The following NELL2 variants were observed in gnomAD, a reference collection of about 807,000 sequenced individuals.
NELL2 encodes the protein protein kinase C-binding protein NELL2.
In NELL2, 41 loss-of-function variants were observed where a neutral mutation model predicts 109.6. That is an observed-to-expected ratio of 0.37 (90% CI 0.29 to 0.49). The LOEUF (loss-of-function observed/expected upper bound fraction) is 0.49. Ranked by LOEUF, NELL2 falls within the 20% of genes least tolerant of loss-of-function variation. The pLI, the probability that NELL2 is intolerant of heterozygous loss-of-function variation, is 0.98. For missense variants in NELL2, 900 were observed against 1,008.3 expected (o/e 0.89, Z 1.45); for synonymous variants, 355 against 344.7 (o/e 1.03, Z -0.33).
intron 12 of NELL2, among the ~76,000 whole-genome samples, chr12:44,666,155 A>G (rs1947917858): frequency 6.6e-6 from 1 of 152,238 alleles, no homozygotes. Flanking sequence ...AAGTTACAAT[A>G]GAGACCTGAT....
intron 12 of NELL2, among the ~76,000 whole-genome samples, chr12:44,667,164 C>T (rs1398097634): frequency 6.6e-6 from 1 of 152,148 alleles, no homozygotes; most frequent in Non-Finnish European, 1.5e-5. Context: ...ACATATTCCT[C>T]AATGGTATAA....
Position 44,820,048 on chromosome 12 carries a change from A to T in NELL2, c.185-3912T>A, listed in dbSNP as rs143007281. ...CCAGAAGCCCAGGACACAGATGAAG[A>T]TTTTTAAGTTTCCTGAATGTGACAC... On this transcript the variant is annotated intron_variant, in intron 2 of 19. Transcript: ENST00000429094. Among the ~76,000 whole-genome samples, 38 of 152,208 alleles carry T rather than the reference A, an allele frequency of 2.5e-4. No homozygotes were observed. In the East Asian group the frequency reaches 2.7e-3, roughly 11 times the overall value.
rs76167061 is a variant in NELL2 at position 44,844,297 on chromosome 12, C to G, written c.185-28161G>C. On this transcript the variant is annotated intron_variant, in intron 2 of 19. Coordinates refer to ENST00000429094, the MANE Select transcript of NELL2 (RefSeq NM_001145108.2). Reference sequence around the variant, plus strand: ...AAATTGGAAACACTTATATGTCTATCAACAAAAGAAGAGAAAAAACAAGTT... The same window carrying G: ...AAATTGGAAACACTTATATGTCTATGAACAAAAGAAGAGAAAAAACAAGTT... Among the ~76,000 whole-genome samples, 583 of 152,110 alleles carry G rather than the reference C, an allele frequency of 3.8e-3. 4 individuals are homozygous for G. Among genetic ancestry groups the G allele is most frequent in the African/African-American group, 0.013 (552 of 41,482 alleles).
intron 10 of NELL2, 56 bp from the exon 11 acceptor site, chr12:44,711,450 A>G: frequency 6.9e-7 from 1 of 1,455,158 alleles, no homozygotes; most frequent in Non-Finnish European, 9.6e-7. Flanking sequence ...CTTGTTAAGA[A>G]GTTTCCAGAT....
At chr12:44,878,975 T>TA (rs1331648837), upstream of NELL2, among the ~76,000 whole-genome samples, 2 of 152,192 alleles carry the variant, frequency 1.3e-5, no homozygotes, top group Admixed American at 6.5e-5. Flanking sequence ...GTTAATCAGG[T>TA]AACCTTAAAA....
chr12:44,874,241 C>T (rs1752421154), intron 2 of NELL2, among the ~76,000 whole-genome samples: 1 of 152,058 alleles, frequency 6.6e-6, no homozygotes, highest in Non-Finnish European at 1.5e-5. Context: ...AGCCATGGCA[C>T]CAAAATAACA....
At chr12:44,681,669 T>C (rs1239728983) in intron 12 of NELL2, among the ~76,000 whole-genome samples, 1 of 152,084 alleles carries the variant, frequency 6.6e-6, no homozygotes, top group African/African-American at 2.4e-5. Flanking sequence ...TATGCGGTGT[T>C]TGGTTTTTTG....
upstream of NELL2, among the ~76,000 whole-genome samples, chr12:44,880,461 G>A (rs1024994670): frequency 2.0e-5 from 3 of 151,908 alleles, no homozygotes; most frequent in Non-Finnish European, 4.4e-5. Flanking sequence ...GAATATTACT[G>A]AGAATGTGCC....
intron 9 of NELL2, among the ~76,000 whole-genome samples, chr12:44,759,606 T>C (rs1375357573): frequency 1.3e-5 from 2 of 152,194 alleles, no homozygotes; most frequent in African/African-American, 4.8e-5. Flanking sequence ...TCAGTCTAAA[T>C]TTCTAACCTG....
chr12:44,895,718 A>C (rs1945585447), intron 1 of NELL2, among the ~76,000 whole-genome samples: 1 of 152,112 alleles, frequency 6.6e-6, no homozygotes, highest in Non-Finnish European at 1.5e-5. Context: ...ACGAAATCAT[A>C]TATCACCCCC....
At chr12:44,774,445 CACTT>C (rs1941669928) in intron 9 of NELL2, among the ~76,000 whole-genome samples, 1 of 152,148 alleles carries the variant, frequency 6.6e-6, no homozygotes, top group Non-Finnish European at 1.5e-5. Context: ...ATTTGGGAGA[CACTT>C]ACAATAAATA....
chr12:44,624,712 C>G (rs1372155703), intron 13 of NELL2, among the ~76,000 whole-genome samples: 1 of 152,166 alleles, frequency 6.6e-6, no homozygotes, highest in Admixed American at 6.5e-5. Flanking sequence ...CAAAATATAG[C>G]TGGCTCAAGT....
chr12:44,643,701 T>C (rs1592258026), intron 13 of NELL2, among the ~76,000 whole-genome samples: 1 of 152,184 alleles, frequency 6.6e-6, no homozygotes, highest in East Asian at 1.9e-4. Context: ...GTAGATGCAG[T>C]ATATTTATAT....
intron 2 of NELL2, among the ~76,000 whole-genome samples, chr12:44,858,665 G>A (rs772292271): frequency 2.0e-5 from 3 of 152,188 alleles, no homozygotes; most frequent in Non-Finnish European, 4.4e-5. Context: ...TCACCAATAA[G>A]TTGTTTGCTT....
At chr12:44,599,974 T>TA (rs1945141139) in intron 15 of NELL2, among the ~76,000 whole-genome samples, 2 of 147,018 alleles carry the variant, frequency 1.4e-5, no homozygotes, top group Non-Finnish European at 1.5e-5. Flanking sequence ...TTTTTTTTTT[T>TA]TTTTTGAGAT....
intron 15 of NELL2, among the ~76,000 whole-genome samples, chr12:44,592,238 T>G (rs750903033): frequency 1.3e-5 from 2 of 152,176 alleles, no homozygotes; most frequent in Non-Finnish European, 2.9e-5. Flanking sequence ...TTTAAATGAT[T>G]TAATAAATGT....
At chr12:44,770,114 C>T (rs7298041) in intron 9 of NELL2, among the ~76,000 whole-genome samples, 11 of 152,130 alleles carry the variant, frequency 7.2e-5, no homozygotes, top group Non-Finnish European at 1.3e-4. Flanking sequence ...AATAATGAAA[C>T]CATACCTCCC....
intron 16 of NELL2, among the ~76,000 whole-genome samples, chr12:44,524,080 G>C: frequency 6.6e-6 from 1 of 152,100 alleles, no homozygotes; most frequent in East Asian, 1.9e-4. Flanking sequence ...AACCACAGAA[G>C]GGCAAATAAT....
chr12:44,640,202 A>G (rs1181764333), intron 13 of NELL2, among the ~76,000 whole-genome samples: 2 of 152,214 alleles, frequency 1.3e-5, no homozygotes, highest in Non-Finnish European at 2.9e-5. Context: ...GATGATGATC[A>G]TCATTACAAT....
Sources: gnomAD v4.1 joint callset for allele counts (sites outside exome capture counted in the v4.1 genomes callset) on GRCh38, gnomAD v4.1.1 for gene constraint, MANE v1.5 for transcripts, NCBI Gene and HGNC (gene_info 2026-07-23, HGNC 2026-07-21) for gene names.